MTSS1: variants seen among roughly 807,000 people sequenced by gnomAD.
The protein encoded by MTSS1 is MTSS I-BAR domain containing 1, also known as protein MTSS 1.
Under a neutral mutation model 79.0 loss-of-function variants are expected in MTSS1, and 18 were observed. That is an observed-to-expected ratio of 0.23 (90% confidence interval 0.16 to 0.34). The LOEUF is 0.34. MTSS1 is among the 10% of genes least tolerant of loss of function. MTSS1 has a pLI of 1.00. For synonymous variants in MTSS1, 341 were observed against 368.6 expected (o/e 0.93, Z 0.86); for missense variants, 815 against 986.2 (o/e 0.83, Z 2.33).
chr8:124,575,590 T>C (rs551910431), intron 6 of MTSS1, among the ~76,000 whole-genome samples: 130 of 152,046 alleles, frequency 8.6e-4, no homozygotes, highest in African/African-American at 2.9e-3. Flanking sequence ...TGTTGTTGTT[T>C]GTTTGTTTGT....
intron 3 of MTSS1, among the ~76,000 whole-genome samples, chr8:124,600,125 A>G (rs1833542218): frequency 6.6e-6 from 1 of 151,978 alleles, no homozygotes; most frequent in South Asian, 2.1e-4. Context: ...CCCAAAATGC[A>G]TCATCTGTGA....
intron 3 of MTSS1, among the ~76,000 whole-genome samples, chr8:124,660,430 ATG>A (rs1165376829): frequency 3.7e-5 from 4 of 107,380 alleles, no homozygotes; most frequent in South Asian, 3.9e-4. Flanking sequence ...GCCCATGCGC[ATG>A]CACACACACA....
intron 9 of MTSS1, among the ~76,000 whole-genome samples, chr8:124,564,981 C>T (rs1364594943): frequency 2.6e-5 from 4 of 152,120 alleles, no homozygotes; most frequent in Non-Finnish European, 4.4e-5. Context: ...ACTACTATAC[C>T]AAGAGAGATA....
chr8:124,670,572 G>A (rs1016539560), intron 3 of MTSS1, among the ~76,000 whole-genome samples: 1 of 152,162 alleles, frequency 6.6e-6, no homozygotes, highest in East Asian at 1.9e-4. Flanking sequence ...GATACACTTA[G>A]GATTGATCAT....
At chr8:124,662,842 TGTC>T (rs898480789) in intron 3 of MTSS1, among the ~76,000 whole-genome samples, 25 of 152,092 alleles carry the variant, frequency 1.6e-4, no homozygotes, top group African/African-American at 5.8e-4. Flanking sequence ...CAGGTACAAT[TGTC>T]GTGGTATCCA....
chr8:124,606,118 G>A (rs1031671025), intron 3 of MTSS1, among the ~76,000 whole-genome samples: 1 of 150,812 alleles, frequency 6.6e-6, no homozygotes, highest in Non-Finnish European at 1.5e-5. Context: ...TGGGACTACA[G>A]GCATGTGCCA....
chr8:124,622,851 T>C (rs1026897171), intron 3 of MTSS1, among the ~76,000 whole-genome samples: 5 of 151,344 alleles, frequency 3.3e-5, no homozygotes, highest in Non-Finnish European at 5.9e-5. Context: ...TGCTTGACTA[T>C]AGTAACCATT....
At chr8:124,616,863 T>G (rs570966786) in intron 3 of MTSS1, among the ~76,000 whole-genome samples, 30 of 152,228 alleles carry the variant, frequency 2.0e-4, no homozygotes, top group Non-Finnish European at 4.3e-4. Context: ...AAATCTTGAT[T>G]GCTTTTTCAT....
At chr8:124,559,242 C>T (rs3793398) in intron 10 of MTSS1, among the ~76,000 whole-genome samples, 105,594 of 151,780 alleles carry the variant, frequency 0.7, 36,830 homozygotes, top group East Asian at 0.75. Context: ...AGGGAGGCCC[C>T]GCCTGTCACC....
At chr8:124,557,646 A>G (rs1428852819) in intron 11 of MTSS1, 35 bp downstream of exon 11, 6 of 1,524,056 alleles carry the variant, frequency 3.9e-6, no homozygotes, top group Admixed American at 2.0e-5. Flanking sequence ...CACAGAGGCA[A>G]TGACGGGGAG....
chr8:124,582,095 G>A lies in MTSS1; in HGVS notation c.460+2992C>T, dbSNP rs898958920. ...CCCGTGCTCTTGACCCTGTGCACGA[G>A]CCCAGAATTTCTCTGAGGGTGAGGA... On this transcript the variant is annotated intron_variant, in intron 6 of 13. Transcript: ENST00000518547. The surrounding 1 kb of genome is among the most constrained non-coding windows in gnomAD (Gnocchi z 4.8). Among the ~76,000 whole-genome samples the A allele has an allele frequency of 1.3e-5, 2 of 152,146 alleles. No homozygotes were observed. Among genetic ancestry groups the A allele is most frequent in the African/African-American group, 4.8e-5 (2 of 41,424 alleles).
intron 6 of MTSS1, among the ~76,000 whole-genome samples, chr8:124,569,260 C>G (rs1179482295): frequency 6.6e-6 from 1 of 152,228 alleles, no homozygotes; most frequent in Non-Finnish European, 1.5e-5. Flanking sequence ...GCAACCACTT[C>G]TGGAGTTTAA....
chr8:124,553,122 G>C lies in MTSS1; in HGVS notation c.2138C>G (p.Pro713Arg). The C allele has an allele frequency of 1.2e-6, 2 of 1,614,104 alleles. No homozygotes were observed. The highest frequency in any genetic ancestry group is 1.7e-6 in the Non-Finnish European group (2 of 1,180,020). ...GCTCAGGTCTGCAGGGTCACTCTCT[G>C]GAATCTGGCCTGGGGAGACAGTGGC... ...PSATVSPGQI[P>R]ESDPADLSPR... Residue 713 changes from proline (P) to arginine (R), a missense_variant, in exon 14 of 14, where the codon CCA (proline) becomes CGA (arginine). By Grantham distance (103) the Pro-to-Arg change is moderately radical. This residue lies in a region of MTSS1 where 590 missense variants were observed against 620.8 expected (regional missense o/e 0.95). Transcript: ENST00000518547. This position sits in a 1 kb window ranked among gnomAD's most constrained non-coding sequence, Gnocchi z 6.0.
At chr8:124,667,985 C>A (rs1382214637) in intron 3 of MTSS1, among the ~76,000 whole-genome samples, 3 of 151,834 alleles carry the variant, frequency 2.0e-5, no homozygotes, top group Non-Finnish European at 2.9e-5. Flanking sequence ...TCTGGGGGAC[C>A]ACTGAGGTGG....
intron 3 of MTSS1, among the ~76,000 whole-genome samples, chr8:124,593,395 A>G (rs1832195334): frequency 6.6e-6 from 1 of 152,228 alleles, no homozygotes; most frequent in Non-Finnish European, 1.5e-5. Context: ...TGACCCAGCA[A>G]TTCTCATTTC....
intron 3 of MTSS1, among the ~76,000 whole-genome samples, chr8:124,618,744 C>A (rs1353509348): frequency 1.3e-5 from 2 of 152,190 alleles, no homozygotes; most frequent in Admixed American, 1.3e-4. Context: ...CACAGTACAA[C>A]AAACACCAGA....
At chr8:124,686,764 A>T (rs547893619) in intron 3 of MTSS1, among the ~76,000 whole-genome samples, 1 of 152,264 alleles carries the variant, frequency 6.6e-6, no homozygotes, top group East Asian at 1.9e-4. Context: ...GCCCCAAATC[A>T]CAGATTGAGA....
At chr8:124,566,485 G>C (rs1049539812) in intron 8 of MTSS1, among the ~76,000 whole-genome samples, 1 of 152,166 alleles carries the variant, frequency 6.6e-6, no homozygotes, top group African/African-American at 2.4e-5. Context: ...GCCAGCATGT[G>C]ATTCATCAGT....
At chr8:124,595,040 C>G (rs1422432069) in intron 3 of MTSS1, among the ~76,000 whole-genome samples, 1 of 152,110 alleles carries the variant, frequency 6.6e-6, no homozygotes, top group Non-Finnish European at 1.5e-5. Flanking sequence ...GTTCTCGGTA[C>G]CTAGCACTGG....
Sources: gnomAD v4.1 joint callset for allele counts (sites outside exome capture counted in the v4.1 genomes callset) on GRCh38, gnomAD v4.1.1 for gene constraint, gnomAD v4.1.1 regional missense constraint, Gnocchi (gnomAD v3.1) non-coding constraint, MANE v1.5 for transcripts, NCBI Gene and HGNC (gene_info 2026-07-23, HGNC 2026-07-21) for gene names.